Variants in PCDHA6 observed in about 807,000 individuals in gnomAD.
PCDHA6 encodes the protein protocadherin alpha 6.
Under a neutral mutation model 60.3 loss-of-function variants are expected in PCDHA6, and 55 were observed. The ratio of observed to expected loss-of-function variants is 0.91; its 90% confidence interval spans 0.73 to 1.14. The LOEUF is 1.14. PCDHA6 is among the 50% of genes most tolerant of loss of function. The pLI is 0.00. For missense variants in PCDHA6, 1,327 were observed against 1,256.5 expected (o/e 1.06, Z -0.85); for synonymous variants, 652 against 557.9 (o/e 1.17, Z -2.38).
At chr5:140,910,907 G>T (rs1554194477) in intron 1 of PCDHA6, among the ~76,000 whole-genome samples, 3 of 152,102 alleles carry the variant, frequency 2.0e-5, no homozygotes, top group Admixed American at 2.0e-4. Flanking sequence ...CTGTCCTCCA[G>T]ATTTTTGCTT....
intron 1 of PCDHA6, chr5:140,870,708 C>G (rs781841032): frequency 1.8e-5 from 29 of 1,612,898 alleles, no homozygotes; most frequent in Non-Finnish European, 2.5e-5. Context: ...TCCAGGTGAG[C>G]GCGCGCGATG....
chr5:140,869,137 C>G, intron 1 of PCDHA6: 3 of 1,613,116 alleles, frequency 1.9e-6, no homozygotes, highest in African/African-American at 1.3e-5. Context: ...ATTGGGCACC[C>G]CACGACTACA....
chr5:140,924,766 G>A (rs543178519), intron 1 of PCDHA6, among the ~76,000 whole-genome samples: 1 of 151,878 alleles, frequency 6.6e-6, no homozygotes, highest in East Asian at 1.9e-4. Context: ...ATGGTGGTGC[G>A]CGCTTGTAGT....
At chr5:140,994,657 A>G (rs2097643468) in intron 3 of PCDHA6, among the ~76,000 whole-genome samples, 1 of 152,166 alleles carries the variant, frequency 6.6e-6, no homozygotes, top group Non-Finnish European at 1.5e-5. Flanking sequence ...GTGAGCTGAG[A>G]TCACACTACT....
At chr5:140,832,622 T>A (rs2150202867) in intron 1 of PCDHA6, among the ~76,000 whole-genome samples, 13 of 152,136 alleles carry the variant, frequency 8.5e-5, no homozygotes, top group African/African-American at 3.1e-4. Flanking sequence ...AAATGTTTTT[T>A]AAAAAGTTCC....
chr5:140,928,424 C>A, intron 1 of PCDHA6: 1 of 1,614,184 alleles, frequency 6.2e-7, no homozygotes, highest in Non-Finnish European at 8.5e-7. Context: ...ACTGCCAAAA[C>A]TTCCTTTGAC....
chr5:140,850,595 G>A (rs2150490707), intron 1 of PCDHA6: 2 of 1,598,512 alleles, frequency 1.3e-6, no homozygotes, highest in East Asian at 4.5e-5. Flanking sequence ...ACGTGTACCT[G>A]ATCATCGCCA....
intron 1 of PCDHA6, among the ~76,000 whole-genome samples, chr5:140,946,711 T>C (rs1165441185): frequency 1.3e-5 from 2 of 150,618 alleles, no homozygotes; most frequent in African/African-American, 2.5e-5. Context: ...GAGGTCATTA[T>C]GTTTAGTTAA....
At chr5:140,974,377 A>G (rs1356669539) in intron 1 of PCDHA6, among the ~76,000 whole-genome samples, 1 of 152,190 alleles carries the variant, frequency 6.6e-6, no homozygotes, top group Non-Finnish European at 1.5e-5. Flanking sequence ...TTTCTGTTGT[A>G]CTGGAACCCA....
rs2150463409 is a variant in PCDHA6 at position 140,850,016 on chromosome 5, C to G, written c.2394+19531C>G. On this transcript the variant is annotated intron_variant, in intron 1 of 3. Transcript: ENST00000529310. ...TGGGCGAGCGCTCGCTGTCGAGCTA[C>G]GTGTCAGTGCACGCGGAGAGCGGCA... The G allele has an allele frequency of 2.5e-5, 40 of 1,596,912 alleles. 3 individuals are homozygous for G. The South Asian group carries it at 4.1e-4, about 16-fold the overall frequency.
At chr5:140,852,355 G>A in intron 1 of PCDHA6, 1 of 208,524 alleles carries the variant, frequency 4.8e-6, no homozygotes, top group Non-Finnish European at 9.3e-6. Context: ...TTGGCTCACT[G>A]CAACGTCTGC....
intron 1 of PCDHA6, among the ~76,000 whole-genome samples, chr5:140,890,015 T>C (rs553399283): frequency 2.8e-4 from 43 of 152,210 alleles, no homozygotes; most frequent in African/African-American, 1.0e-3. Flanking sequence ...GCCAGAAAAA[T>C]GTAGAAGGCT....
Position 140,835,798 on chromosome 5 carries a change from G to C in PCDHA6, c.2394+5313G>C, listed in dbSNP as rs2150245143. 6.8e-6 allele frequency: 11 copies of C among 1,612,744 alleles called. No individual in the cohort carries two copies. Among genetic ancestry groups the C allele is most frequent in the Middle Eastern group, 1.9e-4 (1 of 5,380 alleles). ...GTGAAGGAGAACAACCCGCCGGGCT[G>C]CCACATCTTCACTGTGTCGGCGGGG... On this transcript the variant is annotated intron_variant, in intron 1 of 3. Coordinates refer to ENST00000529310, the MANE Select transcript of PCDHA6 (RefSeq NM_018909.4).
chr5:140,828,951 C>T lies in PCDHA6; in HGVS notation c.860C>T (p.Ala287Val). Residue 287 changes from alanine to valine, a missense_variant, in exon 1 of 4, where the codon GCC becomes GTC. Transcript: ENST00000529310. ...TATTCTTTTAATAGCCTTGTTGCAG[C>T]CATGGTTATTGACCACTTTAGCATA... ...ISYSFNSLVA[A>V]MVIDHFSIDR... The T allele has an allele frequency of 1.9e-6, 3 of 1,614,200 alleles. No individual in the cohort carries two copies. Among genetic ancestry groups the T allele is most frequent in the South Asian group, 1.1e-5 (1 of 91,084 alleles).
At chr5:140,993,795 C>T (rs1301191394) in intron 3 of PCDHA6, among the ~76,000 whole-genome samples, 2 of 152,128 alleles carry the variant, frequency 1.3e-5, no homozygotes, top group African/African-American at 2.4e-5. Flanking sequence ...ACATGCTGTG[C>T]AGGTTTGTAG....
chr5:140,900,630 G>A (rs1355486036), intron 1 of PCDHA6, among the ~76,000 whole-genome samples: 3 of 152,132 alleles, frequency 2.0e-5, no homozygotes, highest in African/African-American at 7.2e-5. Context: ...TCCAAATCTT[G>A]GCTATTGTGA....
rs782444703 is a variant in PCDHA6 at position 140,856,052 on chromosome 5, G to T, written c.2394+25567G>T. 12 of 1,585,178 alleles carry T rather than the reference G, an allele frequency of 7.6e-6. No individual in the cohort carries two copies. In the East Asian group the frequency reaches 2.5e-4, roughly 32 times the overall value. On this transcript the variant is annotated intron_variant, in intron 1 of 3. Transcript: ENST00000529310. The stretch of plus-strand genomic sequence containing the variant: ...TGTAAAACAAGAGAAGGATAAGATG[G>T]TTTCCAGATGTAGCTGCCTGGGGGT...
At chr5:140,884,078 A>C (rs2059981897) in intron 1 of PCDHA6, 5 of 1,613,512 alleles carry the variant, frequency 3.1e-6, no homozygotes, top group Non-Finnish European at 4.2e-6. Flanking sequence ...TTCGGGCTAC[A>C]ATGCGTGGCT....
At chr5:140,851,826 T>A (rs2042172303) in intron 1 of PCDHA6, 1 of 965,750 alleles carries the variant, frequency 1.0e-6, no homozygotes, top group Non-Finnish European at 1.3e-6. Context: ...GAAATCTGTT[T>A]TTTTAAAAAT....
Sources: allele counts gnomAD v4.1 joint callset (sites outside exome capture counted in the v4.1 genomes callset), GRCh38; gene constraint gnomAD v4.1.1; transcripts MANE v1.5; gene names NCBI Gene and HGNC (gene_info 2026-07-23, HGNC 2026-07-21).